The following EIF4G3 variants were observed in gnomAD, a reference collection of about 807,000 sequenced individuals.
EIF4G3 encodes eukaryotic translation initiation factor 4 gamma 3, also known as eIF-4-gamma 3.
Under a neutral mutation model 186.4 loss-of-function variants are expected in EIF4G3, and 34 were observed. The observed-to-expected ratio is 0.18, with a 90% CI of 0.14 to 0.24. EIF4G3 has a LOEUF of 0.24. Ranked by LOEUF, EIF4G3 falls within the 10% of genes least tolerant of loss-of-function variation. The pLI is 1.00. For missense variants in EIF4G3, 1,536 were observed against 1,948.5 expected (o/e 0.79, Z 3.99); for synonymous variants, 673 against 679.5 (o/e 0.99, Z 0.15).
chr1:20,848,631 T>C (rs1011497348), intron 29 of EIF4G3, among the ~76,000 whole-genome samples: 2 of 152,242 alleles, frequency 1.3e-5, no homozygotes, highest in Non-Finnish European at 2.9e-5. Flanking sequence ...TTGAAATCTC[T>C]GGCTTAGGCT....
intron 12 of EIF4G3, among the ~76,000 whole-genome samples, chr1:20,956,920 C>T (rs957790354): frequency 2.0e-5 from 3 of 152,100 alleles, no homozygotes; most frequent in Non-Finnish European, 4.4e-5. Context: ...TAGTTTATAA[C>T]GAAGGGGTCA....
intron 2 of EIF4G3, among the ~76,000 whole-genome samples, chr1:21,167,523 C>A (rs766914428): frequency 6.6e-6 from 1 of 152,112 alleles, no homozygotes; most frequent in Admixed American, 6.6e-5. Context: ...CGTCTGTAAT[C>A]CCAGTACTTT....
At chr1:21,076,626 G>A (rs538601481) in intron 3 of EIF4G3, among the ~76,000 whole-genome samples, 46 of 152,222 alleles carry the variant, frequency 3.0e-4, no homozygotes, top group African/African-American at 1.1e-3. Context: ...AGAGAATCAA[G>A]AAACAAATCC....
intron 2 of EIF4G3, among the ~76,000 whole-genome samples, chr1:21,090,942 A>G (rs2096175902): frequency 1.3e-5 from 2 of 152,334 alleles, no homozygotes; most frequent in Non-Finnish European, 2.9e-5. Context: ...ATTTAGGCCA[A>G]GATGTCAATG....
chr1:20,962,508 T>C (rs2073553330), intron 12 of EIF4G3, among the ~76,000 whole-genome samples: 1 of 152,206 alleles, frequency 6.6e-6, no homozygotes, highest in African/African-American at 2.4e-5. Context: ...CTATGGTAGA[T>C]ATCAAGCATA....
chr1:20,972,992 A>G lies in EIF4G3; in HGVS notation c.591+10T>C, dbSNP rs1352716910. ...ATTTAAAATAAGAAAAAGTAATAAA[A>G]ATCTCTTACAGTTTTTTTCTCTCTC... On this transcript the variant is annotated intron_variant, in intron 11 of 36. Coordinates refer to ENST00000602326, the MANE Select transcript of EIF4G3 (RefSeq NM_001391906.1). 2 of 1,583,324 alleles carry G rather than the reference A, an allele frequency of 1.3e-6. No homozygotes were observed. The highest frequency in any genetic ancestry group is 1.4e-5 in the African/African-American group (1 of 72,946).
Position 21,176,358 on chromosome 1 carries a change from C to A in EIF4G3, c.-455G>T. On this transcript the variant is annotated splice_region_variant and 5_prime_UTR_variant, in exon 2 of 37. Transcript: ENST00000602326. ...TCCGGTTCCTGCTGCAGTCGCTGTG[C>A]CTGATTTCAGAGCCGGTTTCTGCGG... 1 of 257,460 alleles carries A rather than the reference C, an allele frequency of 3.9e-6. No homozygotes were observed. Among genetic ancestry groups the A allele is most frequent in the East Asian group, 7.9e-5 (1 of 12,658 alleles). The allele number at this position is 257,460 out of a possible 1,614,324, so 15.9% of individuals were successfully genotyped here. A position where few individuals can be genotyped will look rare whatever the true frequency, so the allele number is the denominator to read the frequency against.
chr1:20,913,639 T>C (rs1558208141), intron 14 of EIF4G3, among the ~76,000 whole-genome samples: 1 of 152,174 alleles, frequency 6.6e-6, no homozygotes, highest in Non-Finnish European at 1.5e-5. Context: ...ATTTTATTTA[T>C]ATCCTCAATA....
intron 32 of EIF4G3, among the ~76,000 whole-genome samples, chr1:20,826,746 C>T (rs952467398): frequency 5.9e-5 from 9 of 152,022 alleles, no homozygotes; most frequent in African/African-American, 1.9e-4. Context: ...CCTTGGCCTC[C>T]CAAAGTGCTG....
intron 29 of EIF4G3, among the ~76,000 whole-genome samples, chr1:20,843,244 G>A (rs1194263569): frequency 2.6e-5 from 4 of 151,970 alleles, no homozygotes; most frequent in Non-Finnish European, 5.9e-5. Context: ...GGCTGGAAGC[G>A]GTGGCTCACA....
At position 21,078,842 on chromosome 1, in the gene EIF4G3, G is replaced by A. The variant is rs188019661; in HGVS notation, c.-196+10296C>T. ...TCTACTAAAAATACAAAAATTCGCCGGGTATAGTGGCGTGCACCGGTAGTC... is the reference window on the plus strand; with the variant it reads ...TCTACTAAAAATACAAAAATTCGCCAGGTATAGTGGCGTGCACCGGTAGTC... On this transcript the variant is annotated intron_variant, in intron 3 of 36. Transcript: ENST00000602326. Among the ~76,000 whole-genome samples, 13 of 152,116 alleles carry A rather than the reference G, an allele frequency of 8.5e-5. No homozygotes were observed. In the East Asian group the frequency reaches 9.7e-4, roughly 11 times the overall value.
chr1:21,083,321 G>A (rs2095854074), intron 3 of EIF4G3, among the ~76,000 whole-genome samples: 2 of 151,958 alleles, frequency 1.3e-5, no homozygotes, highest in African/African-American at 4.8e-5. Flanking sequence ...TCCAGAATAG[G>A]CATAAAACAT....
At chr1:21,029,794 AGGACTGGCATG>A (rs1250202829) in intron 4 of EIF4G3, among the ~76,000 whole-genome samples, 2 of 152,220 alleles carry the variant, frequency 1.3e-5, no homozygotes, top group Admixed American at 1.3e-4. Flanking sequence ...TAGGTATAAC[AGGACTGGCATG>A]GGATAGGAAA....
chr1:20,892,602 C>T (rs1015304410), intron 18 of EIF4G3: 6 of 1,476,456 alleles, frequency 4.1e-6, no homozygotes, highest in Non-Finnish European at 5.5e-6. Flanking sequence ...TTACAAAAAA[C>T]AAAGTGTTCA....
intron 10 of EIF4G3, among the ~76,000 whole-genome samples, chr1:20,975,176 C>T (rs2076610232): frequency 6.6e-6 from 1 of 152,082 alleles, no homozygotes; most frequent in Non-Finnish European, 1.5e-5. Context: ...CATCCTCTAA[C>T]AATGAGTAAA....
At chr1:20,978,040 A>T (rs2077196756) in intron 10 of EIF4G3, among the ~76,000 whole-genome samples, 1 of 152,222 alleles carries the variant, frequency 6.6e-6, no homozygotes, top group Non-Finnish European at 1.5e-5. Flanking sequence ...CACAGAAATT[A>T]ACGGGAGACA....
At chr1:20,914,363 A>C (rs2093628904) in intron 14 of EIF4G3, among the ~76,000 whole-genome samples, 1 of 152,084 alleles carries the variant, frequency 6.6e-6, no homozygotes, top group South Asian at 2.1e-4. Context: ...CATTACAAGC[A>C]AAAGAGGGAG....
At chr1:21,060,683 A>C (rs1571902248) in intron 3 of EIF4G3, among the ~76,000 whole-genome samples, 1 of 152,010 alleles carries the variant, frequency 6.6e-6, no homozygotes, top group Non-Finnish European at 1.5e-5. Flanking sequence ...AGCGTAAGGC[A>C]AGAGGCCCAA....
intron 3 of EIF4G3, among the ~76,000 whole-genome samples, chr1:21,082,914 T>C (rs1572258034): frequency 6.6e-6 from 1 of 151,054 alleles, no homozygotes; most frequent in Non-Finnish European, 1.5e-5. Context: ...GGCGGGCGCC[T>C]GTAGTCCCAG....
Sources: allele counts gnomAD v4.1 joint callset (sites outside exome capture counted in the v4.1 genomes callset), GRCh38; gene constraint gnomAD v4.1.1; transcripts MANE v1.5; gene names NCBI Gene and HGNC (gene_info 2026-07-23, HGNC 2026-07-21).